The following PHF2 variants were observed in gnomAD, a reference collection of about 807,000 sequenced individuals.
PHF2 encodes lysine-specific demethylase PHF2.
Under a neutral mutation model 120.5 loss-of-function variants are expected in PHF2, and 27 were observed. That is an observed-to-expected ratio of 0.22 (90% CI 0.17 to 0.31). The LOEUF (loss-of-function observed/expected upper bound fraction) is 0.31, where lower values mean the gene tolerates loss of function less well. Among genes scored for constraint, PHF2 ranks in the 10% least tolerant of loss-of-function variants. The pLI is 1.00. For synonymous variants in PHF2, 568 were observed against 592.5 expected (o/e 0.96, Z 0.60); for missense variants, 1,024 against 1,434.8 (o/e 0.71, Z 4.63).
At chr9:93,646,321 G>A (rs1826259401) in intron 4 of PHF2, among the ~76,000 whole-genome samples, 1 of 152,254 alleles carries the variant, frequency 6.6e-6, no homozygotes, top group Non-Finnish European at 1.5e-5. Context: ...CTTGTGGGTA[G>A]AGGAAGCACC....
rs1298079705 is a variant in PHF2, at chr9:93,599,845, CTCG to C, written c.98+22977_98+22979del. Among the ~76,000 whole-genome samples the C allele has an allele frequency of 5.3e-5, 8 of 152,244 alleles. 1 individual carries two copies. The highest frequency in any genetic ancestry group is 1.9e-4 in the African/African-American group (8 of 41,472). On this transcript the variant is annotated intron_variant, in intron 1 of 21. Transcript: ENST00000359246. ...CGCTCCCAGTTCCGTTGATCTGAAA[CTCG>C]TCTGACTGGGTGTCCTGTGGTTTTG...
chr9:93,669,593 C>T (rs1826745051), intron 17 of PHF2, among the ~76,000 whole-genome samples: 1 of 152,240 alleles, frequency 6.6e-6, no homozygotes, highest in Non-Finnish European at 1.5e-5. Flanking sequence ...CAGACAGGGC[C>T]TGGGAGGTGG....
chr9:93,632,472 T>C (rs891327133), intron 2 of PHF2, among the ~76,000 whole-genome samples: 4 of 152,204 alleles, frequency 2.6e-5, no homozygotes, highest in African/African-American at 9.7e-5. Flanking sequence ...AATTTATTTC[T>C]TACAGTTCTG....
chr9:93,628,838 C>T (rs187144791), intron 1 of PHF2, among the ~76,000 whole-genome samples: 1 of 152,278 alleles, frequency 6.6e-6, no homozygotes. Context: ...GCCCATTATC[C>T]ACTGTGTTCT....
Position 93,653,382 on chromosome 9 carries a change from G to A in PHF2, c.789+17G>A, listed in dbSNP as rs779766102. On this transcript the variant is annotated intron_variant, in intron 6 of 21. Coordinates refer to ENST00000359246, the MANE Select transcript of PHF2 (RefSeq NM_005392.4). ...GTGCTCAAGGTGAGCCACGCCCCTC[G>A]GGGCACCTCTGCCTTGCCATGGCCA... 17 of 1,611,420 alleles carry A rather than the reference G, an allele frequency of 1.1e-5. No individual in the cohort carries two copies. The highest frequency in any genetic ancestry group is 1.8e-4 in the Middle Eastern group (1 of 5,644).
chr9:93,596,685 C>T (rs1244214620), intron 1 of PHF2, among the ~76,000 whole-genome samples: 2 of 151,652 alleles, frequency 1.3e-5, no homozygotes, highest in Non-Finnish European at 2.9e-5. Flanking sequence ...ATGCATGCAG[C>T]TGAGCATGTG....
intron 1 of PHF2, among the ~76,000 whole-genome samples, chr9:93,587,331 A>G (rs111773987): frequency 1.3e-4 from 14 of 106,478 alleles, no homozygotes; most frequent in East Asian, 2.9e-4. Context: ...GGATGATGGA[A>G]GAGCCCTGGG....
At chr9:93,585,077 T>C (rs1863013512) in intron 1 of PHF2, among the ~76,000 whole-genome samples, 1 of 152,248 alleles carries the variant, frequency 6.6e-6, no homozygotes, top group Non-Finnish European at 1.5e-5. Context: ...CACCTTTTAA[T>C]GTGTGATGAC....
intron 1 of PHF2, among the ~76,000 whole-genome samples, chr9:93,615,848 A>G (rs1402521802): frequency 6.6e-6 from 1 of 152,182 alleles, no homozygotes; most frequent in African/African-American, 2.4e-5. Flanking sequence ...ATGGTTCAGG[A>G]GGCCTTCTCT....
rs764859067 is a variant in PHF2, at chr9:93,673,801, C to T, written c.2565C>T (p.Asp855=). The change falls in exon 18 of 22, where the codon GAC becomes GAT. Residue 855 remains aspartate, a synonymous_variant. Transcript: ENST00000359246. ...AGAGGGCTGCCAAGAACAGTGTCGA[C>T]CTGGACGACTACGAGGAAGAGCAGG... ...LLKRAAKNSV[D]LDDYEEEQDH... is the part of the protein sequence containing the mutation. The T allele has an allele frequency of 1.2e-6, 2 of 1,612,114 alleles. No homozygotes were observed. Among genetic ancestry groups the T allele is most frequent in the East Asian group, 4.5e-5 (2 of 44,820 alleles).
At chr9:93,654,344 A>T in intron 6 of PHF2, 69 bp from the exon 7 acceptor site, 1 of 1,494,406 alleles carries the variant, frequency 6.7e-7, no homozygotes, top group Non-Finnish European at 9.2e-7. Flanking sequence ...TCACGTTAGG[A>T]CCTGTCACTT....
intron 17 of PHF2, among the ~76,000 whole-genome samples, chr9:93,669,160 G>A (rs1239570414): frequency 1.3e-5 from 2 of 152,230 alleles, no homozygotes; most frequent in Non-Finnish European, 2.9e-5. Context: ...CAGACGGCAT[G>A]GCATGGACCC....
At chr9:93,671,404 G>A (rs1376743321) in intron 17 of PHF2, among the ~76,000 whole-genome samples, 1 of 128,302 alleles carries the variant, frequency 7.8e-6, no homozygotes, top group Non-Finnish European at 1.7e-5. Context: ...AGATGCAGAT[G>A]TGGGTGTGGA....
chr9:93,641,293 T>C (rs1405951825), intron 3 of PHF2, among the ~76,000 whole-genome samples: 1 of 152,212 alleles, frequency 6.6e-6, no homozygotes, highest in Non-Finnish European at 1.5e-5. Context: ...ATTTCCATCC[T>C]TCTGCCGGAT....
intron 1 of PHF2, chr9:93,595,008 C>T (rs960275186): frequency 1.3e-5 from 2 of 152,810 alleles, no homozygotes; most frequent in Non-Finnish European, 2.9e-5. Context: ...TGCCAATCAC[C>T]AGCAGGTACT....
intron 10 of PHF2, 126 bp downstream of exon 10, chr9:93,658,362 G>A (rs1826497159): frequency 5.2e-6 from 4 of 770,792 alleles, no homozygotes; most frequent in Admixed American, 2.1e-5. Context: ...GGGAAGGACG[G>A]TGGTGCTCCC....
In PHF2 at chr9:93,676,768, G is replaced by C. The variant is rs772350079; in HGVS notation, c.3007G>C (p.Ala1003Pro). 4 of 1,530,708 alleles carry C rather than the reference G, an allele frequency of 2.6e-6. No homozygotes were observed. The highest frequency in any genetic ancestry group is 3.5e-6 in the Non-Finnish European group (4 of 1,138,488). 94.8% of individuals were successfully genotyped at this position (1,530,708 alleles called of 1,614,324 possible). The change falls in exon 21 of 22, where the codon GCC becomes CCC. Residue 1003 changes from alanine to proline, a missense_variant. This residue lies in a region of PHF2 where 677 missense variants were observed against 857.4 expected (regional missense o/e 0.79). Coordinates refer to ENST00000359246, the MANE Select transcript of PHF2 (RefSeq NM_005392.4). Reference protein sequence around the residue: ...PASTSTASSQASQEGSSPEPP... With the variant: ...PASTSTASSQPSQEGSSPEPP... The stretch of plus-strand genomic sequence containing the variant: ...CTCCACCAGCACGGCCAGCAGCCAG[G>C]CCTCGCAGGAGGGCAGCTCGCCAGA...
In PHF2 at chr9:93,648,536, CCTCT is replaced by C. The variant is rs1468394678; in HGVS notation, c.461-534_461-531del. Among the ~76,000 whole-genome samples, 4 of 152,326 alleles carry C rather than the reference CCTCT, an allele frequency of 2.6e-5. No homozygotes were observed. In the East Asian group the frequency reaches 5.8e-4, roughly 22 times the overall value. On this transcript the variant is annotated intron_variant, in intron 4 of 21. Transcript: ENST00000359246. The stretch of plus-strand genomic sequence containing the variant: ...GGCGACTGGCAATTCTGTCCTCCTC[CCTCT>C]ATCAGTCATGAGTCTTTTATAAAGA...
intron 1 of PHF2, among the ~76,000 whole-genome samples, chr9:93,613,334 C>T (rs1825669066): frequency 6.6e-6 from 1 of 152,196 alleles, no homozygotes. Flanking sequence ...TTTAGCCACA[C>T]ATTTGGGCTG....
Sources: allele counts gnomAD v4.1 joint callset (sites outside exome capture counted in the v4.1 genomes callset), GRCh38; gene constraint gnomAD v4.1.1; regional missense constraint gnomAD v4.1.1; transcripts MANE v1.5; gene names NCBI Gene and HGNC (gene_info 2026-07-23, HGNC 2026-07-21).